The following CA10 variants were observed in gnomAD, a reference collection of about 807,000 sequenced individuals.
CA10 encodes the protein carbonic anhydrase-related protein 10.
Under a neutral mutation model 44.2 loss-of-function variants are expected in CA10, and 14 were observed. The ratio of observed to expected loss-of-function variants is 0.32; its 90% CI spans 0.21 to 0.50. The LOEUF is 0.50. CA10 is among the 20% of genes least tolerant of loss of function. CA10 has a pLI of 0.99. For synonymous variants in CA10, 159 were observed against 141.6 expected (o/e 1.12, Z -0.87); for missense variants, 350 against 409.7 (o/e 0.85, Z 1.26).
intron 3 of CA10, among the ~76,000 whole-genome samples, chr17:51,907,411 T>G (rs1274977080): frequency 6.6e-6 from 1 of 152,140 alleles, no homozygotes; most frequent in Non-Finnish European, 1.5e-5. Context: ...ACCCTGGCCT[T>G]TTTTCATTCT....
intron 4 of CA10, among the ~76,000 whole-genome samples, chr17:51,731,653 TAAAAAAAAAAA>T (rs371165542): frequency 2.7e-5 from 3 of 109,190 alleles, no homozygotes; most frequent in African/African-American, 1.0e-4. Context: ...AAGGGGCTGG[TAAAAAAAAAAA>T]AAAAAAAAAG....
chr17:51,904,013 G>A (rs1473508651), intron 3 of CA10, among the ~76,000 whole-genome samples: 1 of 151,438 alleles, frequency 6.6e-6, no homozygotes, highest in Admixed American at 6.6e-5. Context: ...CATGTATGTG[G>A]GACTAGAAGC....
intron 2 of CA10, among the ~76,000 whole-genome samples, chr17:52,002,537 C>T (rs1384702927): frequency 6.6e-6 from 1 of 151,944 alleles, no homozygotes; most frequent in Non-Finnish European, 1.5e-5. Flanking sequence ...AATGGTGAGA[C>T]TTCAGGGGGT....
intron 3 of CA10, among the ~76,000 whole-genome samples, chr17:51,873,381 A>T (rs571309431): frequency 7.9e-5 from 12 of 152,116 alleles, no homozygotes; most frequent in Non-Finnish European, 1.3e-4. Context: ...AATTGGAAAA[A>T]CATAAACTCC....
chr17:52,050,869 A>C (rs977587239), intron 2 of CA10, among the ~76,000 whole-genome samples: 1 of 152,034 alleles, frequency 6.6e-6, no homozygotes, highest in African/African-American at 2.4e-5. Flanking sequence ...TATTTGCCTC[A>C]TCTCCTAAAT....
intron 3 of CA10, among the ~76,000 whole-genome samples, chr17:51,802,774 T>C (rs1906984663): frequency 6.6e-6 from 1 of 152,108 alleles, no homozygotes; most frequent in South Asian, 2.1e-4. Context: ...GGCCTTGCCA[T>C]GTCCATGCCA....
intron 6 of CA10, among the ~76,000 whole-genome samples, chr17:51,636,775 TTG>T (rs57428535): frequency 0.014 from 2,113 of 146,590 alleles, 44 homozygotes; most frequent in African/African-American, 0.049. Flanking sequence ...ACTGATTATT[TTG>T]TGTGTGTGTG....
intron 2 of CA10, among the ~76,000 whole-genome samples, chr17:52,062,141 C>A (rs554090997): frequency 1.4e-5 from 2 of 140,960 alleles, no homozygotes; most frequent in East Asian, 4.2e-4. Flanking sequence ...AATCTTGGCT[C>A]ACAGCAACCT....
At chr17:51,825,392 A>G (rs953755818) in intron 3 of CA10, among the ~76,000 whole-genome samples, 56 of 152,230 alleles carry the variant, frequency 3.7e-4, no homozygotes, top group African/African-American at 1.3e-3. Context: ...CCCTCTTCTC[A>G]GCACTGCTCA....
chr17:51,877,128 T>A (rs1980116728), intron 3 of CA10, among the ~76,000 whole-genome samples: 1 of 152,212 alleles, frequency 6.6e-6, no homozygotes, highest in Non-Finnish European at 1.5e-5. Flanking sequence ...GTGTAGGAGC[T>A]GTTGCACACT....
At position 51,924,792 on chromosome 17, in the gene CA10, G is replaced by A. The variant is rs140370274; in HGVS notation, c.279+6198C>T. Among the ~76,000 whole-genome samples the A allele has an allele frequency of 3.9e-4, 60 of 152,224 alleles. 1 individual carries two copies. The East Asian group carries it at 0.011, about 29-fold the overall frequency. The stretch of plus-strand genomic sequence containing the variant: ...CCTCTCCTCACCCCTTCCAGACCTG[G>A]GGTGGTTATAAACGGTCCCTCTATG... On this transcript the variant is annotated intron_variant, in intron 3 of 8. Coordinates refer to ENST00000451037, the MANE Select transcript of CA10 (RefSeq NM_020178.5).
At position 51,958,122 on chromosome 17, in the gene CA10, T is replaced by A. The variant is rs143527106; in HGVS notation, c.137-26990A>T. ...GTGCTAACATATAGTAAGTGTTCAATGTGAAGTTCATTAAATGACGTATGT... is the reference window on the plus strand; with the variant it reads ...GTGCTAACATATAGTAAGTGTTCAAAGTGAAGTTCATTAAATGACGTATGT... On this transcript the variant is annotated intron_variant, in intron 2 of 8. Coordinates refer to ENST00000451037, the MANE Select transcript of CA10 (RefSeq NM_020178.5). 6.0e-3 allele frequency among the ~76,000 whole-genome samples: 918 copies of A among 152,254 alleles called. 5 individuals are homozygous for A. Among genetic ancestry groups the A allele is most frequent in the Non-Finnish European group, 8.7e-3 (590 of 68,006 alleles).
chr17:51,684,218 C>A (rs914724173), intron 4 of CA10, among the ~76,000 whole-genome samples: 6 of 152,138 alleles, frequency 3.9e-5, no homozygotes, highest in African/African-American at 1.4e-4. Context: ...CTGGCCATTG[C>A]TGGCTTTGAA....
At chr17:52,151,023 G>C (rs938373945) in intron 1 of CA10, among the ~76,000 whole-genome samples, 15 of 151,950 alleles carry the variant, frequency 9.9e-5, no homozygotes, top group Non-Finnish European at 1.0e-4. Context: ...TTGTGATCAA[G>C]AATAAATGTT....
intron 4 of CA10, among the ~76,000 whole-genome samples, chr17:51,706,462 C>T (rs1915765696): frequency 6.6e-6 from 1 of 152,190 alleles, no homozygotes; most frequent in Non-Finnish European, 1.5e-5. Context: ...AATCCAGTTG[C>T]TTCTCTCTCC....
chr17:51,856,913 C>T (rs371765317), intron 3 of CA10, among the ~76,000 whole-genome samples: 2 of 152,216 alleles, frequency 1.3e-5, no homozygotes, highest in South Asian at 2.1e-4. Flanking sequence ...AACATAAAGT[C>T]CATGGTTCAG....
intron 2 of CA10, among the ~76,000 whole-genome samples, chr17:52,052,026 G>C (rs2143050134): frequency 6.6e-6 from 1 of 152,044 alleles, no homozygotes; most frequent in East Asian, 1.9e-4. Context: ...ACTAACACAG[G>C]ATCAGAAAAT....
At chr17:51,807,916 G>A (rs766952828) in intron 3 of CA10, among the ~76,000 whole-genome samples, 4 of 152,202 alleles carry the variant, frequency 2.6e-5, no homozygotes, top group Admixed American at 1.3e-4. Flanking sequence ...GGATCTGGTG[G>A]AGGTAACATA....
intron 4 of CA10, among the ~76,000 whole-genome samples, chr17:51,743,031 C>T (rs999769266): frequency 1.3e-5 from 2 of 152,200 alleles, no homozygotes; most frequent in African/African-American, 4.8e-5. Flanking sequence ...GCACTCTGGC[C>T]CATGCCTAGC....
Sources: gnomAD v4.1 joint callset for allele counts (sites outside exome capture counted in the v4.1 genomes callset) on GRCh38, gnomAD v4.1.1 for gene constraint, MANE v1.5 for transcripts, NCBI Gene and HGNC (gene_info 2026-07-23, HGNC 2026-07-21) for gene names.